The following XDH variants were observed in gnomAD, a reference collection of about 807,000 sequenced individuals.
XDH encodes the protein xanthine dehydrogenase/oxidase.
XDH carries 138 observed loss-of-function variants against 156.1 expected under a neutral mutation model. The observed-to-expected ratio is 0.88, with a 90% CI of 0.77 to 1.02. The LOEUF (loss-of-function observed/expected upper bound fraction) is 1.02. Ranked by LOEUF, XDH falls within the 50% of genes least tolerant of loss-of-function variation. XDH has a pLI of 0.00. For missense variants in XDH, 1,849 were observed against 1,684.9 expected (o/e 1.10, Z -1.71); for synonymous variants, 669 against 625.7 (o/e 1.07, Z -1.03).
Position 31,402,920 on chromosome 2 carries a change from A to G in XDH, c.197+128T>C, listed in dbSNP as rs1455873506. On this transcript the variant is annotated intron_variant, in intron 3 of 35. Coordinates refer to ENST00000379416, the MANE Select transcript of XDH (RefSeq NM_000379.4). ...CATTCTACAGTTTTCCTGTGCACAGATTCTCCATAAAAACAGGGGCTCACA... is the reference window on the plus strand; with the variant it reads ...CATTCTACAGTTTTCCTGTGCACAGGTTCTCCATAAAAACAGGGGCTCACA... 40 of 987,840 alleles carry G rather than the reference A, an allele frequency of 4.0e-5. No homozygotes were observed. In the Admixed American group the frequency reaches 6.2e-4, roughly 15 times the overall value. The allele number at this position is 987,840 out of a possible 1,614,324, so 61.2% of individuals were successfully genotyped here. A position where few individuals can be genotyped will look rare whatever the true frequency, so the allele number is the denominator to read the frequency against.
chr2:31,376,190 T>C (rs1364694360), intron 14 of XDH, among the ~76,000 whole-genome samples: 1 of 151,596 alleles, frequency 6.6e-6, no homozygotes, highest in Non-Finnish European at 1.5e-5. Flanking sequence ...GCATCAATAC[T>C]ACTAGTAATA....
chr2:31,359,918 G>A (rs1243867861), intron 24 of XDH, among the ~76,000 whole-genome samples: 2 of 152,206 alleles, frequency 1.3e-5, no homozygotes, highest in East Asian at 3.8e-4. Flanking sequence ...AATAAGCAGG[G>A]ATGGGGGATG....
At chr2:31,388,448 G>A (rs115664437) in intron 6 of XDH, among the ~76,000 whole-genome samples, 153 bp from the exon 7 acceptor site, 3 of 152,332 alleles carry the variant, frequency 2.0e-5, no homozygotes, top group Non-Finnish European at 2.9e-5. Flanking sequence ...TGCCCAGAGT[G>A]GAGGCCTCCG....
chr2:31,394,266 G>A (rs1053399686), intron 6 of XDH, among the ~76,000 whole-genome samples: 4 of 151,960 alleles, frequency 2.6e-5, no homozygotes, highest in African/African-American at 9.7e-5. Context: ...TTTCTCACTC[G>A]CTTTTGAAGG....
chr2:31,390,250 T>A (rs1686726638), intron 6 of XDH, among the ~76,000 whole-genome samples: 2 of 152,238 alleles, frequency 1.3e-5, no homozygotes, highest in Non-Finnish European at 2.9e-5. Flanking sequence ...TAGAATTTCA[T>A]AGAATAGATA....
At chr2:31,366,202 T>C in intron 21 of XDH, 93 bp from the exon 22 acceptor site, 2 of 1,600,426 alleles carry the variant, frequency 1.2e-6, no homozygotes, top group Non-Finnish European at 1.7e-6. Context: ...ATGGACCTAA[T>C]TACTGCTGCG....
intron 24 of XDH, 135 bp downstream of exon 24, chr2:31,364,023 A>C: frequency 1.3e-6 from 1 of 749,956 alleles, no homozygotes; most frequent in Non-Finnish European, 2.3e-6. Context: ...GAGGATGGGA[A>C]ACCTGAAGGT....
At chr2:31,346,081 A>C (rs1371401367) in intron 30 of XDH, among the ~76,000 whole-genome samples, 10 of 152,116 alleles carry the variant, frequency 6.6e-5, no homozygotes, top group Admixed American at 6.5e-4. Flanking sequence ...GTCACATTTG[A>C]TGTGTTACTC....
intron 9 of XDH, chr2:31,384,342 CA>C (rs1331125039): frequency 5.9e-6 from 1 of 170,780 alleles, no homozygotes; most frequent in Non-Finnish European, 1.3e-5. Flanking sequence ...TAAGAATAAC[CA>C]AATTTCAGTA....
Position 31,335,998 on chromosome 2 carries a change from C to T in XDH, c.3962G>A (p.Gly1321Asp), listed in dbSNP as rs764984174. ...VDKFTTLCVT[G>D]VPENCKPWSV... ...CCAGGGTTTGCAGTTTTCTGGGACA[C>T]CAGTGACACACTAGGAAGGAATGAT... Residue 1321 changes from glycine to aspartate, a missense_variant, in exon 36 of 36, where the codon GGT becomes GAT. By Grantham distance (94) the Gly-to-Asp change is moderately conservative. Coordinates refer to ENST00000379416, the MANE Select transcript of XDH (RefSeq NM_000379.4). 5.0e-6 allele frequency: 8 copies of T among 1,614,200 alleles called. No homozygotes were observed. Among genetic ancestry groups the T allele is most frequent in the Non-Finnish European group, 5.9e-6 (7 of 1,180,042 alleles).
chr2:31,375,839 C>G (rs1336235978), intron 14 of XDH, among the ~76,000 whole-genome samples: 1 of 152,182 alleles, frequency 6.6e-6, no homozygotes, highest in Non-Finnish European at 1.5e-5. Context: ...TATATGAATT[C>G]TCACTTTTAA....
At chr2:31,391,452 C>T (rs1686760100) in intron 6 of XDH, among the ~76,000 whole-genome samples, 1 of 152,098 alleles carries the variant, frequency 6.6e-6, no homozygotes, top group Admixed American at 6.5e-5. Flanking sequence ...ACTTTGTTCT[C>T]TATTCTCCTT....
chr2:31,348,523 T>C (rs1235962079), intron 27 of XDH, among the ~76,000 whole-genome samples, 160 bp from the exon 28 acceptor site: 1 of 152,262 alleles, frequency 6.6e-6, no homozygotes, highest in Non-Finnish European at 1.5e-5. Flanking sequence ...GATTTAATTA[T>C]ATAGCACTTC....
chr2:31,404,481 T>A (rs1452802677), intron 2 of XDH, among the ~76,000 whole-genome samples: 1 of 152,208 alleles, frequency 6.6e-6, no homozygotes, highest in East Asian at 1.9e-4. Context: ...TGCAAGGTCA[T>A]CCTACTTATG....
chr2:31,412,971 T>A (rs1460692149), intron 1 of XDH, among the ~76,000 whole-genome samples: 3 of 152,192 alleles, frequency 2.0e-5, no homozygotes, highest in Non-Finnish European at 2.9e-5. Context: ...AATTTAAAAT[T>A]ACTCTCCTAA....
At chr2:31,371,294 G>A (rs978747554) in intron 17 of XDH, among the ~76,000 whole-genome samples, 4 of 152,228 alleles carry the variant, frequency 2.6e-5, no homozygotes, top group African/African-American at 9.7e-5. Context: ...ATCCTCACAA[G>A]AAACCCTGAA....
chr2:31,394,398 G>T (rs1686848968), intron 6 of XDH, among the ~76,000 whole-genome samples: 2 of 152,072 alleles, frequency 1.3e-5, no homozygotes, highest in African/African-American at 2.4e-5. Context: ...TTTTATATTT[G>T]CTCTTCTATA....
intron 31 of XDH, among the ~76,000 whole-genome samples, chr2:31,343,729 G>C (rs1434373338): frequency 6.8e-6 from 1 of 147,310 alleles, no homozygotes; most frequent in Non-Finnish European, 1.5e-5. Flanking sequence ...ATATATATTA[G>C]CCATATATAT....
At position 31,353,563 on chromosome 2, in the gene XDH, G is replaced by C. The variant is rs547012601; in HGVS notation, c.2632-3340C>G. On this transcript the variant is annotated intron_variant, in intron 24 of 35. Transcript: ENST00000379416. Reference sequence around the variant, plus strand: ...AATGACATGATGGTGAGTTCCAGGGGTTTCCTTTTTGCCTCATCTATATAT... The same window carrying C: ...AATGACATGATGGTGAGTTCCAGGGCTTTCCTTTTTGCCTCATCTATATAT... Among the ~76,000 whole-genome samples, 22 of 152,288 alleles carry C rather than the reference G, an allele frequency of 1.4e-4. No homozygotes were observed. In the South Asian group the frequency reaches 3.9e-3, roughly 27 times the overall value.
Sources: allele counts gnomAD v4.1 joint callset (sites outside exome capture counted in the v4.1 genomes callset), GRCh38; gene constraint gnomAD v4.1.1; transcripts MANE v1.5; gene names NCBI Gene and HGNC (gene_info 2026-07-23, HGNC 2026-07-21).